TMEM170A: variants seen among roughly 807,000 people sequenced by gnomAD.
The protein encoded by TMEM170A is transmembrane protein 170A.
A neutral mutation model predicts 12.8 loss-of-function variants in TMEM170A; 18 were observed. The observed-to-expected ratio is 1.41, with a 90% CI of 0.97 to 2.09. The LOEUF (loss-of-function observed/expected upper bound fraction) is 2.09, where lower values mean the gene tolerates loss of function less well. TMEM170A is among the 30% of genes most tolerant of loss of function. The pLI, the probability that TMEM170A is intolerant of heterozygous loss-of-function variation, is 0.00. For synonymous variants in TMEM170A, 107 were observed against 76.2 expected (o/e 1.40, Z -2.11); for missense variants, 220 against 179.9 (o/e 1.22, Z -1.28).
Position 75,447,080 on chromosome 16 carries a change from T to C in TMEM170A, c.*478A>G, listed in dbSNP as rs924111344. ...AAAACTATACTCAACCAAAACCTAT[T>C]TGGCATTTATTGTCACTAAGATGTA... On this transcript the variant is annotated 3_prime_UTR_variant, in exon 3 of 3. Coordinates refer to ENST00000561878, the MANE Select transcript of TMEM170A (RefSeq NM_145254.3). The C allele has an allele frequency of 6.6e-6, 1 of 152,242 alleles. No individual in the cohort carries two copies. The highest frequency in any genetic ancestry group is 1.5e-5 in the Non-Finnish European group (1 of 68,064). The allele number at this position is 152,242 out of a possible 1,614,324, so 9.4% of individuals were successfully genotyped here.
intron 1 of TMEM170A, among the ~76,000 whole-genome samples, chr16:75,456,299 A>T (rs908960693): frequency 6.6e-6 from 1 of 152,184 alleles, no homozygotes; most frequent in Non-Finnish European, 1.5e-5. Flanking sequence ...ATTAAAAATA[A>T]CAAATGAGGC....
chr16:75,464,693 T>C, upstream of TMEM170A: 1 of 1,467,998 alleles, frequency 6.8e-7, no homozygotes, highest in Non-Finnish European at 9.0e-7. Flanking sequence ...CAGCGTCACC[T>C]CCAGCCGGGG....
Position 75,444,021 on chromosome 16 carries a change from G to A in TMEM170A, c.*3537C>T, listed in dbSNP as rs1397226978. The A allele has an allele frequency of 2.0e-5, 3 of 151,960 alleles. No individual in the cohort carries two copies. The highest frequency in any genetic ancestry group is 7.3e-5 in the African/African-American group (3 of 41,336). The allele number at this position is 151,960 out of a possible 1,614,324, so 9.4% of individuals were successfully genotyped here. A position where few individuals can be genotyped will look rare whatever the true frequency, so the allele number is the denominator to read the frequency against. On this transcript the variant is annotated 3_prime_UTR_variant, in exon 3 of 3. Transcript: ENST00000561878. ...GACAATCACTTGAACCCAGGAAACGGAGGCTGCAGTGAGCTGAGACCATGC... is the reference window on the plus strand; with the variant it reads ...GACAATCACTTGAACCCAGGAAACGAAGGCTGCAGTGAGCTGAGACCATGC...
At position 75,464,606 on chromosome 16, in the gene TMEM170A, C is replaced by A. The variant is rs1302297030; in HGVS notation, c.-6G>T. On this transcript the variant is annotated 5_prime_UTR_variant, in exon 1 of 3. Coordinates refer to ENST00000561878, the MANE Select transcript of TMEM170A (RefSeq NM_145254.3). ...CCGCTCCCCTCGCGCTCCATCCCGT[C>A]GCCATTCACCACAGAGAAATGAGGG... 6 of 1,582,368 alleles carry A rather than the reference C, an allele frequency of 3.8e-6. No individual in the cohort carries two copies. In the African/African-American group the frequency reaches 5.6e-5, roughly 15 times the overall value.
chr16:75,464,536 A>C lies in TMEM170A; in HGVS notation c.65T>G (p.Leu22Arg). ...GTTGCCCACCCGCGGCACAACCTTCAGGCTCAGGATCTGCTGCAGGAGCCC... is the reference window on the plus strand; with the variant it reads ...GTTGCCCACCCGCGGCACAACCTTCCGGCTCAGGATCTGCTGCAGGAGCCC... ...SAGLLQQILS[L>R]KVVPRVGNGT... is the part of the protein sequence containing the mutation. The change falls in exon 1 of 3, where the codon CTG becomes CGG. Residue 22 changes from leucine to arginine, a missense_variant. Physicochemically the swap from Leu to Arg is moderately radical, Grantham distance 102. Coordinates refer to ENST00000561878, the MANE Select transcript of TMEM170A (RefSeq NM_145254.3). 1 of 1,588,060 alleles carries C rather than the reference A, an allele frequency of 6.3e-7. No homozygotes were observed. The highest frequency in any genetic ancestry group is 1.4e-5 in the African/African-American group (1 of 72,020).
intron 1 of TMEM170A, among the ~76,000 whole-genome samples, chr16:75,461,210 C>T (rs1206381537): frequency 2.6e-5 from 4 of 151,300 alleles, no homozygotes; most frequent in Middle Eastern, 3.2e-3. Flanking sequence ...TGCACCACCA[C>T]GCCCCGCAAA....
At position 75,447,153 on chromosome 16, in the gene TMEM170A, T is replaced by C. The variant is rs1342620063; in HGVS notation, c.*405A>G. 6.5e-6 allele frequency: 1 copy of C among 153,304 alleles called. No homozygotes were observed. The highest frequency in any genetic ancestry group is 6.5e-5 in the Admixed American group (1 of 15,326). 9.5% of individuals were successfully genotyped at this position (153,304 alleles called of 1,614,324 possible). A position where few individuals can be genotyped will look rare whatever the true frequency, so the allele number is the denominator to read the frequency against. ...TTTTAATCAAGATTAGATAAGATTT[T>C]AATACAACATACTCTGCTCATTTGA... On this transcript the variant is annotated 3_prime_UTR_variant, in exon 3 of 3. Transcript: ENST00000561878.
intron 1 of TMEM170A, among the ~76,000 whole-genome samples, chr16:75,459,225 G>C (rs759861247): frequency 1.3e-5 from 2 of 152,184 alleles, no homozygotes; most frequent in African/African-American, 2.4e-5. Context: ...TACATATTCA[G>C]AGAGATACTG....
chr16:75,450,679 G>A (rs190238412), intron 2 of TMEM170A, among the ~76,000 whole-genome samples: 40 of 151,848 alleles, frequency 2.6e-4, no homozygotes, highest in Non-Finnish European at 4.6e-4. Flanking sequence ...TTTTTCCCCC[G>A]GGTCTTGCTC....
At chr16:75,451,569 C>G (rs1338643690) in intron 2 of TMEM170A, 100 bp downstream of exon 2, 1 of 1,329,984 alleles carries the variant, frequency 7.5e-7, no homozygotes, top group South Asian at 1.2e-5. Flanking sequence ...TTAAAAGGCA[C>G]TCTTTCCTTC....
chr16:75,448,786 G>A (rs535418948), intron 2 of TMEM170A, among the ~76,000 whole-genome samples: 1 of 151,366 alleles, frequency 6.6e-6, no homozygotes, highest in South Asian at 2.1e-4. Context: ...AACCGGCCAA[G>A]TACAGTGGCT....
At chr16:75,448,959 G>A (rs1414526302) in intron 2 of TMEM170A, among the ~76,000 whole-genome samples, 3 of 151,964 alleles carry the variant, frequency 2.0e-5, no homozygotes, top group African/African-American at 7.3e-5. Context: ...TGCTTGGGTG[G>A]CTGAGGTAGG....
At chr16:75,462,920 T>A (rs1387827021) in intron 1 of TMEM170A, among the ~76,000 whole-genome samples, 1 of 152,216 alleles carries the variant, frequency 6.6e-6, no homozygotes, top group Non-Finnish European at 1.5e-5. Context: ...AGAAGATACA[T>A]GTTAAGATTA....
At chr16:75,464,254 A>T in intron 1 of TMEM170A, 1 of 1,499,146 alleles carries the variant, frequency 6.7e-7, no homozygotes, top group Non-Finnish European at 8.8e-7. Flanking sequence ...TCTGCATCTC[A>T]CGCCCAGCGG....
intron 1 of TMEM170A, chr16:75,458,929 T>A (rs1022032415): frequency 7.2e-5 from 11 of 152,326 alleles, no homozygotes; most frequent in African/African-American, 2.4e-4. Context: ...AGTCTCACTC[T>A]GTTGCCCAGG....
chr16:75,462,048 A>T (rs1052118556), intron 1 of TMEM170A, among the ~76,000 whole-genome samples: 2 of 152,226 alleles, frequency 1.3e-5, no homozygotes, highest in Non-Finnish European at 2.9e-5. Context: ...TAATTAACAG[A>T]GGATGCAGGA....
Position 75,464,625 on chromosome 16 carries a change from A to G in TMEM170A, c.-25T>C. On this transcript the variant is annotated 5_prime_UTR_variant, in exon 1 of 3. Transcript: ENST00000561878. ...TCCCGTCGCCATTCACCACAGAGAA[A>G]TGAGGGACGAGCGCCCGAAGTGCGG... The G allele has an allele frequency of 6.4e-7, 1 of 1,563,708 alleles. No homozygotes were observed. Among genetic ancestry groups the G allele is most frequent in the East Asian group, 2.6e-5 (1 of 38,526 alleles).
At chr16:75,449,214 G>T (rs1034631085) in intron 2 of TMEM170A, among the ~76,000 whole-genome samples, 1 of 152,126 alleles carries the variant, frequency 6.6e-6, no homozygotes, top group Admixed American at 6.6e-5. Context: ...GAACACTTCT[G>T]TGTTTTATAA....
chr16:75,464,705 C>T (rs986312745), upstream of TMEM170A: 3 of 1,426,078 alleles, frequency 2.1e-6, no homozygotes, highest in African/African-American at 4.5e-5. Flanking sequence ...CAGCCGGGGT[C>T]CTCTTCCCCC....
Sources: allele counts gnomAD v4.1 joint callset (sites outside exome capture counted in the v4.1 genomes callset), GRCh38; gene constraint gnomAD v4.1.1; transcripts MANE v1.5; gene names NCBI Gene and HGNC (gene_info 2026-07-23, HGNC 2026-07-21).